Variants in ABCA3 observed in about 807,000 individuals in gnomAD.
ABCA3 encodes ATP binding cassette subfamily A member 3.
Under a neutral mutation model 172.8 loss-of-function variants are expected in ABCA3, and 88 were observed. The ratio of observed to expected loss-of-function variants is 0.51; its 90% CI spans 0.43 to 0.61. The LOEUF (loss-of-function observed/expected upper bound fraction) is 0.61. Among genes scored for constraint, ABCA3 ranks in the 20% least tolerant of loss-of-function variants. The pLI, the probability that ABCA3 is intolerant of heterozygous loss-of-function variation, is 0.00. For synonymous variants in ABCA3, 1,066 were observed against 983.8 expected, an observed-to-expected ratio of 1.08 and a Z score of -1.56; for missense variants, 2,164 against 2,301.0, an observed-to-expected ratio of 0.94 and a Z score of 1.22.
chr16:2,301,397 A>ACTTCC (rs2093689226), intron 12 of ABCA3, among the ~76,000 whole-genome samples: 2 of 152,140 alleles, frequency 1.3e-5, no homozygotes, highest in Non-Finnish European at 2.9e-5. Flanking sequence ...TACTTGTGGA[A>ACTTCC]GCAAAGAATG....
chr16:2,320,863 C>A (rs1428424777), intron 7 of ABCA3, among the ~76,000 whole-genome samples: 1 of 152,134 alleles, frequency 6.6e-6, no homozygotes, highest in East Asian at 1.9e-4. Context: ...TTTCTTCCCC[C>A]TCAGGTTCTC....
intron 11 of ABCA3, among the ~76,000 whole-genome samples, chr16:2,307,078 T>G (rs955087201): frequency 6.6e-6 from 1 of 151,138 alleles, no homozygotes; most frequent in African/African-American, 2.4e-5. Context: ...ATGATGCCAT[T>G]GCACTCCAGG....
chr16:2,332,318 G>C (rs1386775902), intron 1 of ABCA3: 1 of 702,152 alleles, frequency 1.4e-6, no homozygotes, highest in Non-Finnish European at 2.6e-6. Context: ...TGGGCTTATC[G>C]GTAGGATTTC....
chr16:2,319,632 G>C lies in ABCA3; in HGVS notation c.822C>G (p.Thr274=). 6.2e-7 allele frequency: 1 copy of C among 1,613,570 alleles called. No homozygotes were observed. Among genetic ancestry groups the C allele is most frequent in the South Asian group, 1.1e-5 (1 of 91,080 alleles). The change falls in exon 8 of 33, where the codon ACC becomes ACG. Residue 274 remains threonine (T), a synonymous_variant. Transcript: ENST00000301732. The part of the protein sequence containing the change: ...PLLLLLSFTY[T]ALTIARAVVQ... ...CGACAGCACGGGCAATGGTGAGCGC[G>C]GTGTAGGTGAAGCTGAGCAGCAGCA... is the stretch of plus-strand genomic sequence containing the variant.
chr16:2,298,478 C>T lies in ABCA3; in HGVS notation c.1804G>A (p.Val602Ile), dbSNP rs764798786. The T allele has an allele frequency of 1.2e-6, 2 of 1,614,092 alleles. No individual in the cohort carries two copies. Among genetic ancestry groups the T allele is most frequent in the Non-Finnish European group, 1.7e-6 (2 of 1,180,030 alleles). Residue 602 changes from valine to isoleucine, a missense_variant, in exon 15 of 33, where the codon GTT becomes ATT. By Grantham distance (29) the Val-to-Ile change is conservative (BLOSUM62 3). Around this residue, in one of 3 missense-constraint regions of ABCA3, gnomAD observed 1,343 missense variants for 1,369.6 expected, o/e 0.98. Coordinates refer to ENST00000301732, the MANE Select transcript of ABCA3 (RefSeq NM_001089.3). ...ISGYEISQDMVQIRKSLGLCP... is the reference protein window; with the variant it reads ...ISGYEISQDMIQIRKSLGLCP... ...AGGCCCAGGCTCTTCCGGATCTGAA[C>T]CATGTCCTGGGAAATTTCATACCCG...
chr16:2,304,768 C>T (rs1193231479), intron 11 of ABCA3, among the ~76,000 whole-genome samples: 11 of 151,364 alleles, frequency 7.3e-5, no homozygotes, highest in Non-Finnish European at 1.0e-4. Context: ...CTCCACCTCC[C>T]GGGTTCACGC....
intron 1 of ABCA3, among the ~76,000 whole-genome samples, chr16:2,330,300 A>G (rs2141745956): frequency 6.6e-6 from 1 of 150,546 alleles, no homozygotes; most frequent in East Asian, 1.9e-4. Context: ...AAAAAAAAAA[A>G]AAAAAGAATA....
chr16:2,277,905 T>A lies in ABCA3; in HGVS notation c.4883A>T (p.Lys1628Met). ...TGGAAAGGTCAGGTCCACGAAGGCC[T>A]TGAACTCCTCCAGCGCCTCCTGTTG... ...EGQQEALEEF[K>M]AFVDLTFPGS... Residue 1628 changes from lysine (K) to methionine (M), a missense_variant, in exon 31 of 33, where the codon AAG becomes ATG. Physicochemically the swap from Lys to Met is moderately conservative, Grantham distance 95. Coordinates refer to ENST00000301732, the MANE Select transcript of ABCA3 (RefSeq NM_001089.3). The surrounding 1 kb of genome is among the most constrained non-coding windows in gnomAD (Gnocchi z 5.3). 6.2e-7 allele frequency: 1 copy of A among 1,610,274 alleles called. No homozygotes were observed.
intron 2 of ABCA3, 141 bp from the exon 3 acceptor site, chr16:2,328,898 GTT>G (rs556111966): frequency 3.6e-5 from 5 of 140,080 alleles, no homozygotes; most frequent in Non-Finnish European, 7.8e-5. Context: ...ACGGGGAAGG[GTT>G]TTTTTTTTTT....
In ABCA3 at chr16:2,285,132, G is replaced by T; in HGVS notation, c.3484-134C>A. 9.8e-7 allele frequency: 1 copy of T among 1,018,360 alleles called. No homozygotes were observed. The highest frequency in any genetic ancestry group is 1.5e-6 in the Non-Finnish European group (1 of 678,252). The allele number at this position is 1,018,360 out of a possible 1,614,324, so 63.1% of individuals were successfully genotyped here. A position where few individuals can be genotyped will look rare whatever the true frequency, so the allele number is the denominator to read the frequency against. On this transcript the variant is annotated intron_variant, in intron 23 of 32. Coordinates refer to ENST00000301732, the MANE Select transcript of ABCA3 (RefSeq NM_001089.3). The surrounding 1 kb of genome is among the most constrained non-coding windows in gnomAD (Gnocchi z 4.7). ...CTGGCCCATGTCCATCAGCCCCACA[G>T]GCCACGTCTGGCCCCCGCGGTGGCT...
chr16:2,289,599 G>T lies in ABCA3; in HGVS notation c.2535C>A (p.Ser845Arg). 6.4e-7 allele frequency: 1 copy of T among 1,553,592 alleles called. No individual in the cohort carries two copies. Among genetic ancestry groups the T allele is most frequent in the South Asian group, 1.2e-5 (1 of 84,272 alleles). The change falls in exon 20 of 33, where the codon AGC (serine) becomes AGA (arginine). Residue 845 changes from serine to arginine, a missense_variant. Around this residue, in one of 3 missense-constraint regions of ABCA3, gnomAD observed 1,343 missense variants for 1,369.6 expected, o/e 0.98. Transcript: ENST00000301732. The stretch of plus-strand genomic sequence containing the variant: ...GCTGGATGGCCTGGATGTCCATACT[G>T]CTGTCCACCAGCTTCCCGACCCTGT... ...VFLRVGKLVD[S>R]SMDIQAIQLP...
At chr16:2,288,481 G>C in intron 20 of ABCA3, 152 bp from the exon 21 acceptor site, 1 of 937,186 alleles carries the variant, frequency 1.1e-6, no homozygotes, top group East Asian at 2.6e-5. Flanking sequence ...TGAAACGGCC[G>C]TGGGAGGAGC....
intron 5 of ABCA3, among the ~76,000 whole-genome samples, chr16:2,324,915 T>C (rs1230741128): frequency 1.3e-5 from 2 of 152,160 alleles, no homozygotes; most frequent in Non-Finnish European, 2.9e-5. Flanking sequence ...GGATGCTAAC[T>C]CAGAGTGTCT....
In ABCA3 at chr16:2,278,004, A is replaced by G; in HGVS notation, c.4784T>C (p.Leu1595Pro). The G allele has an allele frequency of 6.2e-7, 1 of 1,613,284 alleles. No homozygotes were observed. The highest frequency in any genetic ancestry group is 8.5e-7 in the Non-Finnish European group (1 of 1,179,994). ...GCTCTTGAGGTGCTGGGGGCTGCCC[A>G]GGCACTTGAACTGCCCCTGCACCAT... ...AIMVQGQFKC[L>P]GSPQHLKSKF... Residue 1595 changes from leucine to proline, a missense_variant, in exon 31 of 33, where the codon CTG becomes CCG. This residue lies in a region of ABCA3 where 795 missense variants were observed against 881.9 expected (regional missense o/e 0.90). Coordinates refer to ENST00000301732, the MANE Select transcript of ABCA3 (RefSeq NM_001089.3). The surrounding 1 kb of genome is among the most constrained non-coding windows in gnomAD (Gnocchi z 4.4).
At chr16:2,333,497 G>A (rs1177594491) in intron 1 of ABCA3, among the ~76,000 whole-genome samples, 2 of 152,174 alleles carry the variant, frequency 1.3e-5, no homozygotes, top group African/African-American at 4.8e-5. Context: ...GCAACAGCCA[G>A]CCAGCATCAA....
At chr16:2,288,780 A>G (rs573073145) in intron 20 of ABCA3, among the ~76,000 whole-genome samples, 53 of 152,228 alleles carry the variant, frequency 3.5e-4, no homozygotes, top group Admixed American at 5.9e-4. Flanking sequence ...TCCTGACCTC[A>G]AGTGATCTGC....
Position 2,317,409 on chromosome 16 carries a change from G to T in ABCA3, c.991-6C>A. On this transcript the variant is annotated splice_region_variant and splice_polypyrimidine_tract_variant and intron_variant, in intron 9 of 32. Coordinates refer to ENST00000301732, the MANE Select transcript of ABCA3 (RefSeq NM_001089.3). Reference sequence around the variant, plus strand: ...ACGGCTACATTTGGCTTCACCTGCAGGGCACAGGCATGAGTCGGGCGTGGT... The same window carrying T: ...ACGGCTACATTTGGCTTCACCTGCATGGCACAGGCATGAGTCGGGCGTGGT... 2.5e-6 allele frequency: 4 copies of T among 1,613,632 alleles called. No homozygotes were observed. The highest frequency in any genetic ancestry group is 3.4e-6 in the Non-Finnish European group (4 of 1,180,002).
intron 13 of ABCA3, 105 bp downstream of exon 13, chr16:2,299,900 C>T (rs1308998581): frequency 3.2e-6 from 5 of 1,539,316 alleles, no homozygotes; most frequent in Middle Eastern, 2.3e-4. Flanking sequence ...GGGAGCAAGG[C>T]TCAGAGGGAG....
intron 32 of ABCA3, among the ~76,000 whole-genome samples, 176 bp from the exon 33 acceptor site, chr16:2,276,981 A>C (rs1181980135): frequency 6.6e-6 from 1 of 152,180 alleles, no homozygotes; most frequent in Non-Finnish European, 1.5e-5. Flanking sequence ...TCCCAGGTAG[A>C]GGACGCTGGC....
Sources: allele counts gnomAD v4.1 joint callset (sites outside exome capture counted in the v4.1 genomes callset), GRCh38; gene constraint gnomAD v4.1.1; regional missense constraint gnomAD v4.1.1; non-coding constraint Gnocchi (gnomAD v3.1); transcripts MANE v1.5; gene names NCBI Gene and HGNC (gene_info 2026-07-23, HGNC 2026-07-21).